The following GDAP1 variants were observed in gnomAD, a reference collection of about 807,000 sequenced individuals.
The protein encoded by GDAP1 is ganglioside induced differentiation associated protein 1, also known as ganglioside-induced differentiation-associated protein 1.
GDAP1 carries 34 observed loss-of-function variants against 40.1 expected under a neutral mutation model. That is an observed-to-expected ratio of 0.85 (90% CI 0.64 to 1.13). GDAP1 has a LOEUF of 1.13. GDAP1 is among the 50% of genes most tolerant of loss of function. The pLI is 0.00. For missense variants in GDAP1, 374 were observed against 433.7 expected, an observed-to-expected ratio of 0.86 and a Z score of 1.22; for synonymous variants, 170 against 157.4, an observed-to-expected ratio of 1.08 and a Z score of -0.60.
intron 2 of GDAP1, among the ~76,000 whole-genome samples, chr8:74,456,447 G>T (rs1277032581): frequency 6.6e-6 from 1 of 151,852 alleles, no homozygotes; most frequent in Non-Finnish European, 1.5e-5. Flanking sequence ...AAAACAGTGT[G>T]GTTCAGAGTA....
intron 2 of GDAP1, among the ~76,000 whole-genome samples, chr8:74,443,571 T>G (rs1806188176): frequency 6.6e-6 from 1 of 151,980 alleles, no homozygotes; most frequent in Non-Finnish European, 1.5e-5. Context: ...GAAGCTGAGG[T>G]TGGAGGATTG....
chr8:74,379,133 C>T (rs866715766), intron 2 of GDAP1, among the ~76,000 whole-genome samples: 37 of 2,008 alleles, frequency 0.018, no homozygotes, highest in African/African-American at 0.027. Flanking sequence ...CATGTTTGTC[C>T]GACTTTCAGG....
At chr8:74,439,951 T>G (rs1586835794) in intron 2 of GDAP1, among the ~76,000 whole-genome samples, 1 of 152,178 alleles carries the variant, frequency 6.6e-6, no homozygotes. Context: ...ACATTATTTA[T>G]TTTTGTAAGT....
At chr8:74,479,422 C>G (rs558431089) in intron 2 of GDAP1, among the ~76,000 whole-genome samples, 1 of 152,098 alleles carries the variant, frequency 6.6e-6, no homozygotes, top group Non-Finnish European at 1.5e-5. Flanking sequence ...ATTAAAATCT[C>G]CTAATTATAA....
chr8:74,417,314 A>G (rs1586828238), intron 2 of GDAP1, among the ~76,000 whole-genome samples: 1 of 150,318 alleles, frequency 6.7e-6, no homozygotes, highest in East Asian at 1.9e-4. Flanking sequence ...GAAAGACTGA[A>G]TGATTTACCC....
chr8:74,478,377 A>G (rs1288532243), intron 2 of GDAP1, among the ~76,000 whole-genome samples: 29 of 152,048 alleles, frequency 1.9e-4, no homozygotes, highest in Admixed American at 1.9e-3. Context: ...AGGCTGCAGT[A>G]CAGGGAGGGC....
rs397515432 is a variant in GDAP1 at position 74,364,270 on chromosome 8, G to A, written c.980G>A (p.Gly327Asp). 1.9e-6 allele frequency: 3 copies of A among 1,614,226 alleles called. No individual in the cohort carries two copies. The highest frequency in any genetic ancestry group is 8.5e-7 in the Non-Finnish European group (1 of 1,180,028). Residue 327 changes from glycine to aspartate, a missense_variant, in exon 6 of 6, where the codon GGT (glycine) becomes GAT (aspartate). Transcript: ENST00000220822. ...PKVLGTTLVV[G>D]LLAGVGYFAF... is the part of the protein sequence containing the mutation. ...GTTCTTGGCACGACCCTTGTGGTTGGTTTGCTTGCAGGAGTGGGATATTTT... is the reference window on the plus strand; with the variant it reads ...GTTCTTGGCACGACCCTTGTGGTTGATTTGCTTGCAGGAGTGGGATATTTT...
chr8:74,382,353 A>C (rs1191014879), intron 2 of GDAP1, among the ~76,000 whole-genome samples: 1 of 146,326 alleles, frequency 6.8e-6, no homozygotes, highest in Non-Finnish European at 1.5e-5. Context: ...GGGAAATTAT[A>C]GGAAGTTTCC....
At chr8:74,362,702 G>A (rs1809426948) in intron 4 of GDAP1, among the ~76,000 whole-genome samples, 1 of 151,212 alleles carries the variant, frequency 6.6e-6, no homozygotes, top group South Asian at 2.1e-4. Flanking sequence ...TGGCCTCATA[G>A]GAGCTGCCAG....
chr8:74,366,961 A>AATAAGC, downstream of GDAP1: 1 of 344,896 alleles, frequency 2.9e-6, no homozygotes, highest in Non-Finnish European at 5.6e-6. Context: ...AAAAGGGTAA[A>AATAAGC]ATAAGCAGAG....
intron 2 of GDAP1, among the ~76,000 whole-genome samples, chr8:74,390,889 A>G (rs1405252083): frequency 6.6e-6 from 1 of 152,134 alleles, no homozygotes; most frequent in Non-Finnish European, 1.5e-5. Context: ...CCCAGAGAGG[A>G]GGAATCTAGA....
At chr8:74,419,988 G>A (rs1048351187) in intron 2 of GDAP1, among the ~76,000 whole-genome samples, 7 of 152,146 alleles carry the variant, frequency 4.6e-5, no homozygotes, top group Non-Finnish European at 8.8e-5. Flanking sequence ...TTATTTCTGA[G>A]CTCTCAATTC....
At chr8:74,408,981 G>A (rs911740819) in intron 2 of GDAP1, among the ~76,000 whole-genome samples, 3 of 149,954 alleles carry the variant, frequency 2.0e-5, no homozygotes, top group Non-Finnish European at 4.4e-5. Context: ...GAGCTTCAAA[G>A]GCTGTTTCTT....
At chr8:74,416,402 A>T (rs946466670) in intron 2 of GDAP1, among the ~76,000 whole-genome samples, 8 of 150,044 alleles carry the variant, frequency 5.3e-5, no homozygotes, top group Non-Finnish European at 1.0e-4. Context: ...CCATTACAAC[A>T]TCTGCAAGCA....
intron 2 of GDAP1, among the ~76,000 whole-genome samples, chr8:74,486,527 T>C (rs1464323114): frequency 6.6e-6 from 1 of 152,238 alleles, no homozygotes; most frequent in Non-Finnish European, 1.5e-5. Flanking sequence ...ATTTCTGCTT[T>C]TGATGATTTT....
Position 74,365,914 on chromosome 8 carries a change from C to G in GDAP1, c.*1547C>G. On this transcript the variant is annotated 3_prime_UTR_variant, in exon 6 of 6. Transcript: ENST00000220822. ...GGAGTGTCTGAATCTGTTGCTGGGA[C>G]ATACCAATCCATGTATTCATTAGAG... 2.2e-6 allele frequency: 1 copy of G among 453,930 alleles called. No individual in the cohort carries two copies. The highest frequency in any genetic ancestry group is 4.4e-6 in the Non-Finnish European group (1 of 226,730). 28.1% of individuals were successfully genotyped at this position (453,930 alleles called of 1,614,324 possible).
At chr8:74,430,205 G>T (rs564383527) in intron 2 of GDAP1, among the ~76,000 whole-genome samples, 7 of 152,238 alleles carry the variant, frequency 4.6e-5, no homozygotes, top group Non-Finnish European at 7.4e-5. Context: ...AAGCTGAAGG[G>T]CATTTTTATA....
At chr8:74,372,987 C>A (rs1006778638) in intron 2 of GDAP1, among the ~76,000 whole-genome samples, 21 of 152,202 alleles carry the variant, frequency 1.4e-4, no homozygotes, top group African/African-American at 5.1e-4. Context: ...CTACATATGG[C>A]TAGCCAGTTT....
chr8:74,404,163 G>A (rs1805605207), intron 2 of GDAP1, among the ~76,000 whole-genome samples: 1 of 149,662 alleles, frequency 6.7e-6, no homozygotes, highest in Admixed American at 6.6e-5. Flanking sequence ...TCATTTGATT[G>A]CTAAGTGAGA....
Sources: gnomAD v4.1 joint callset for allele counts (sites outside exome capture counted in the v4.1 genomes callset) on GRCh38, gnomAD v4.1.1 for gene constraint, MANE v1.5 for transcripts, NCBI Gene and HGNC (gene_info 2026-07-23, HGNC 2026-07-21) for gene names.